Variants in RAPGEF6 observed in about 807,000 individuals in gnomAD.
RAPGEF6 encodes the protein Rap guanine nucleotide exchange factor 6, also known as PDZ domain containing guanine nucleotide exchange factor (GEF) 2.
In RAPGEF6, 56 loss-of-function variants were observed where a neutral mutation model predicts 171.4. The observed-to-expected ratio is 0.33, with a 90% confidence interval of 0.26 to 0.41. RAPGEF6 has a LOEUF of 0.41. RAPGEF6 is among the 10% of genes least tolerant of loss of function. RAPGEF6 has a pLI of 1.00. For synonymous variants in RAPGEF6, 692 were observed against 650.1 expected, an observed-to-expected ratio of 1.06 and a Z score of -0.98; for missense variants, 1,674 against 1,921.4, an observed-to-expected ratio of 0.87 and a Z score of 2.41.
chr5:131,448,890 C>T (rs1752886192), intron 21 of RAPGEF6, among the ~76,000 whole-genome samples: 1 of 151,746 alleles, frequency 6.6e-6, no homozygotes, highest in South Asian at 2.1e-4. Context: ...GTGAGAAGAG[C>T]CAAAAGAGAC....
chr5:131,476,636 G>A (rs1363526433), intron 16 of RAPGEF6, among the ~76,000 whole-genome samples: 1 of 151,722 alleles, frequency 6.6e-6, no homozygotes, highest in African/African-American at 2.4e-5. Flanking sequence ...AATTTTTGTA[G>A]TTCTCTTGCC....
chr5:131,527,148 T>TTAC, intron 6 of RAPGEF6, among the ~76,000 whole-genome samples: 1 of 152,280 alleles, frequency 6.6e-6, no homozygotes, highest in African/African-American at 2.4e-5. Flanking sequence ...TCACTAAGGC[T>TTAC]TACCCTAGTG....
chr5:131,522,106 G>GAC (rs1185169915), intron 6 of RAPGEF6, among the ~76,000 whole-genome samples: 1 of 152,092 alleles, frequency 6.6e-6, no homozygotes, highest in Non-Finnish European at 1.5e-5. Flanking sequence ...GTTGGCCCCT[G>GAC]AGAGATTTCT....
intron 17 of RAPGEF6, among the ~76,000 whole-genome samples, chr5:131,467,685 T>C (rs1482739360): frequency 6.6e-6 from 1 of 152,186 alleles, no homozygotes; most frequent in Non-Finnish European, 1.5e-5. Context: ...GGCACAAATC[T>C]AAAATGCAGA....
At chr5:131,583,963 A>C (rs1763106923) in intron 4 of RAPGEF6, among the ~76,000 whole-genome samples, 1 of 152,258 alleles carries the variant, frequency 6.6e-6, no homozygotes, top group South Asian at 2.1e-4. Flanking sequence ...CACCTTACAC[A>C]AAAATTTTAT....
intron 4 of RAPGEF6, among the ~76,000 whole-genome samples, chr5:131,574,453 C>T (rs531578422): frequency 8.5e-5 from 13 of 152,114 alleles, no homozygotes; most frequent in Non-Finnish European, 1.6e-4. Flanking sequence ...GGGCTACCCA[C>T]TCCACATTAC....
Position 131,489,467 on chromosome 5 carries a change from T to C in RAPGEF6, c.1840+79A>G, listed in dbSNP as rs111594107. The C allele has an allele frequency of 9.4e-4, 744 of 789,478 alleles. 5 individuals are homozygous for C. The African/African-American group carries it at 0.011, about 12-fold the overall frequency. The allele number at this position is 789,478 out of a possible 1,614,324, so 48.9% of individuals were successfully genotyped here. ...ACAAAAACATGTTTATATTTTACTA[T>C]CTTTTCTTCCACTGTAATGACTTTT... On this transcript the variant is annotated intron_variant, in intron 15 of 27. Transcript: ENST00000509018.
intron 1 of RAPGEF6, among the ~76,000 whole-genome samples, chr5:131,611,668 G>C (rs1417232173): frequency 6.6e-6 from 1 of 152,112 alleles, no homozygotes; most frequent in Non-Finnish European, 1.5e-5. Context: ...TGAGATTCTT[G>C]TCTCAAAAAG....
chr5:131,469,755 C>T, intron 17 of RAPGEF6: 1 of 1,348,264 alleles, frequency 7.4e-7, no homozygotes, highest in Non-Finnish European at 9.9e-7. Flanking sequence ...CAAAATAATA[C>T]ATACAAACAA....
intron 1 of RAPGEF6, among the ~76,000 whole-genome samples, chr5:131,621,463 G>A (rs1050274410): frequency 6.6e-6 from 1 of 151,624 alleles, no homozygotes; most frequent in African/African-American, 2.4e-5. Context: ...GTACTTTTTT[G>A]TAGAGATAGG....
intron 3 of RAPGEF6, among the ~76,000 whole-genome samples, chr5:131,600,912 C>A (rs990216109): frequency 4.6e-5 from 7 of 151,698 alleles, no homozygotes; most frequent in Non-Finnish European, 1.0e-4. Flanking sequence ...GCCCTAATCA[C>A]AAGGGGACAA....
At chr5:131,544,999 A>G (rs1760420005) in intron 6 of RAPGEF6, among the ~76,000 whole-genome samples, 2 of 152,208 alleles carry the variant, frequency 1.3e-5, no homozygotes, top group Non-Finnish European at 2.9e-5. Flanking sequence ...TGCACTTTAA[A>G]TATGAGTAGT....
At chr5:131,484,841 T>G (rs184654917) in intron 15 of RAPGEF6, among the ~76,000 whole-genome samples, 1 of 152,200 alleles carries the variant, frequency 6.6e-6, no homozygotes, top group Non-Finnish European at 1.5e-5. Flanking sequence ...TATGGTTCCA[T>G]TGTATATCTA....
intron 5 of RAPGEF6, among the ~76,000 whole-genome samples, chr5:131,554,917 TTAAAA>T (rs1200679699): frequency 6.6e-6 from 1 of 150,568 alleles, no homozygotes; most frequent in African/African-American, 2.5e-5. Context: ...AAAAAAGAAC[TTAAAA>T]TAAAGGAGGG....
intron 1 of RAPGEF6, among the ~76,000 whole-genome samples, chr5:131,621,688 T>C (rs1173722159): frequency 6.6e-6 from 1 of 152,158 alleles, no homozygotes; most frequent in African/African-American, 2.4e-5. Context: ...GTTTAGGGAA[T>C]ACTAGCAAGA....
intron 6 of RAPGEF6, among the ~76,000 whole-genome samples, chr5:131,546,061 T>A (rs535075156): frequency 6.6e-6 from 1 of 152,308 alleles, no homozygotes; most frequent in Admixed American, 6.5e-5. Flanking sequence ...CTCATGAGCA[T>A]GATCCACAGC....
At chr5:131,530,064 C>T (rs1179489795) in intron 6 of RAPGEF6, among the ~76,000 whole-genome samples, 1 of 151,028 alleles carries the variant, frequency 6.6e-6, no homozygotes, top group African/African-American at 2.4e-5. Context: ...TGTGGCACCA[C>T]ACCTGGCTAA....
rs763696783 is a variant in RAPGEF6, at chr5:131,442,397, T to G, written c.3562A>C (p.Asn1188His). Reference protein sequence around the residue: ...VSQVLQVPAVNLHPIRKKGQT... With the variant: ...VSQVLQVPAVHLHPIRKKGQT... ...CCCTTCTTCCTGATGGGGTGCAAAT[T>G]AACAGCTGGCACCTGAAGCACCTGG... Residue 1188 changes from asparagine (N) to histidine (H), a missense_variant, in exon 23 of 28, where the codon AAT (asparagine) becomes CAT (histidine). Transcript: ENST00000509018. 6 of 1,614,014 alleles carry G rather than the reference T, an allele frequency of 3.7e-6. No individual in the cohort carries two copies. In the African/African-American group the frequency reaches 8.0e-5, roughly 22 times the overall value.
intron 3 of RAPGEF6, among the ~76,000 whole-genome samples, chr5:131,598,225 C>A (rs1247431303): frequency 1.3e-5 from 2 of 151,936 alleles, no homozygotes; most frequent in Non-Finnish European, 2.9e-5. Context: ...AGACTAGAAA[C>A]AGCAGAAGAC....
Sources: allele counts gnomAD v4.1 joint callset (sites outside exome capture counted in the v4.1 genomes callset), GRCh38; gene constraint gnomAD v4.1.1; transcripts MANE v1.5; gene names NCBI Gene and HGNC (gene_info 2026-07-23, HGNC 2026-07-21).